PSMC2: variants seen among roughly 807,000 people sequenced by gnomAD.
PSMC2 encodes 26S proteasome regulatory subunit 7.
In PSMC2, 7 loss-of-function variants were observed where a neutral mutation model predicts 53.3. The observed-to-expected ratio is 0.13, with a 90% CI of 0.07 to 0.25. The LOEUF (loss-of-function observed/expected upper bound fraction) is 0.25. Ranked by LOEUF, PSMC2 falls within the 10% of genes least tolerant of loss-of-function variation. PSMC2 has a pLI of 1.00. For synonymous variants in PSMC2, 169 were observed against 183.9 expected, an observed-to-expected ratio of 0.92 and a Z score of 0.66; for missense variants, 241 against 544.0, an observed-to-expected ratio of 0.44 and a Z score of 5.54.
intron 4 of PSMC2, among the ~76,000 whole-genome samples, chr7:103,360,200 C>G (rs1439143721): frequency 6.6e-6 from 1 of 151,998 alleles, no homozygotes; most frequent in Non-Finnish European, 1.5e-5. Flanking sequence ...AGGGAAAATG[C>G]ATTTCATAAT....
chr7:103,368,060 GA>G lies in PSMC2; in HGVS notation c.*8del. The G allele has an allele frequency of 6.3e-7, 1 of 1,593,820 alleles. No homozygotes were observed. The highest frequency in any genetic ancestry group is 8.6e-7 in the Non-Finnish European group (1 of 1,169,146). ...GTTACATGACATACAACTGAACCCT[GA>G]AGGCTTTCAAGTGAAAACTTTAAAT... is the stretch of plus-strand genomic sequence containing the variant. On this transcript the variant is annotated 3_prime_UTR_variant, in exon 12 of 12. Coordinates refer to ENST00000292644, the MANE Select transcript of PSMC2 (RefSeq NM_002803.4).
At chr7:103,357,763 C>T (rs1392505218) in intron 4 of PSMC2, among the ~76,000 whole-genome samples, 6 of 152,074 alleles carry the variant, frequency 3.9e-5, no homozygotes, top group South Asian at 2.1e-4. Flanking sequence ...GTTGTTATAA[C>T]GTCTTGTTTT....
At chr7:103,361,583 A>G (rs968732257) in intron 4 of PSMC2, among the ~76,000 whole-genome samples, 15 of 151,662 alleles carry the variant, frequency 9.9e-5, no homozygotes, top group Non-Finnish European at 1.5e-4. Context: ...AAACCCATTT[A>G]TTACTGAATT....
intron 1 of PSMC2, among the ~76,000 whole-genome samples, 155 bp downstream of exon 1, chr7:103,347,936 C>T (rs1819641260): frequency 6.6e-6 from 1 of 152,198 alleles, no homozygotes; most frequent in African/African-American, 2.4e-5. Context: ...ATTAACTTGC[C>T]TGCCTTCTCA....
Position 103,353,700 on chromosome 7 carries a change from G to A in PSMC2, c.71-221G>A, listed in dbSNP as rs77760093. On this transcript the variant is annotated intron_variant, in intron 1 of 11. Coordinates refer to ENST00000292644, the MANE Select transcript of PSMC2 (RefSeq NM_002803.4). ...TGTACTATATAAAATAGGTCATCAC[G>A]TATATTATGTACTTTTAAAAACCTA... 3.8e-3 allele frequency among the ~76,000 whole-genome samples: 574 copies of A among 152,326 alleles called. 4 individuals carry two copies. The highest frequency in any genetic ancestry group is 0.014 in the African/African-American group (563 of 41,578).
intron 4 of PSMC2, among the ~76,000 whole-genome samples, chr7:103,361,527 A>G (rs1039306603): frequency 9.5e-5 from 14 of 147,850 alleles, no homozygotes; most frequent in Non-Finnish European, 1.6e-4. Context: ...AAAAAAAAAA[A>G]AAAAAAGAAA....
At chr7:103,355,391 C>A (rs1252088497) in intron 3 of PSMC2, among the ~76,000 whole-genome samples, 2 of 152,264 alleles carry the variant, frequency 1.3e-5, no homozygotes, top group Non-Finnish European at 2.9e-5. Context: ...TTTGGCTTGA[C>A]AATTACTTTA....
At chr7:103,359,913 T>A (rs893723665) in intron 4 of PSMC2, among the ~76,000 whole-genome samples, 2 of 151,990 alleles carry the variant, frequency 1.3e-5, no homozygotes, top group African/African-American at 4.8e-5. Context: ...AACCTGTCTC[T>A]ACTAAAAATA....
chr7:103,359,284 C>A (rs898662673), intron 4 of PSMC2, among the ~76,000 whole-genome samples: 1 of 151,374 alleles, frequency 6.6e-6, no homozygotes, highest in African/African-American at 2.4e-5. Context: ...AGGTGTGAGC[C>A]ACCGTGCCCA....
At chr7:103,359,138 C>CTTTTTTTTTTTGTTTTTTTT (rs1820217696) in intron 4 of PSMC2, among the ~76,000 whole-genome samples, 1 of 31,332 alleles carries the variant, frequency 3.2e-5, no homozygotes, top group Non-Finnish European at 5.7e-5. Flanking sequence ...CCATGTCTGG[C>CTTTTTTTTTTTGTTTTTTTT]TTTTTTTTTT....
rs1819656743 is a variant in PSMC2, at chr7:103,348,570, A to G, written c.70+789A>G. The G allele has an allele frequency of 3.6e-6, 3 of 834,386 alleles. No individual in the cohort carries two copies. The Admixed American group carries it at 5.2e-5, about 15-fold the overall frequency. The allele number at this position is 834,386 out of a possible 1,614,324, so 51.7% of individuals were successfully genotyped here. A position where few individuals can be genotyped will look rare whatever the true frequency, so the allele number is the denominator to read the frequency against. ...TTGTTGCTGTTATAAAACAATGAGTACCTTTTACCTCGTTGCACTCTGAGA... is the reference window on the plus strand; with the variant it reads ...TTGTTGCTGTTATAAAACAATGAGTGCCTTTTACCTCGTTGCACTCTGAGA... On this transcript the variant is annotated intron_variant, in intron 1 of 11. Transcript: ENST00000292644.
At chr7:103,350,666 AT>A (rs879867498) in intron 1 of PSMC2, among the ~76,000 whole-genome samples, 128 of 144,048 alleles carry the variant, frequency 8.9e-4, no homozygotes, top group East Asian at 5.0e-3. Context: ...TTTAAAACTT[AT>A]TTTTTTTTTT....
chr7:103,364,981 A>ATATATATATATATATATT (rs950613120), intron 8 of PSMC2, among the ~76,000 whole-genome samples: 12 of 140,792 alleles, frequency 8.5e-5, no homozygotes, highest in Non-Finnish European at 1.5e-4. Flanking sequence ...ATATATATAT[A>ATATATATATATATATATT]TATTTAGAGA....
chr7:103,359,372 T>C (rs1271332040), intron 4 of PSMC2, among the ~76,000 whole-genome samples: 5 of 152,100 alleles, frequency 3.3e-5, no homozygotes, highest in Non-Finnish European at 1.5e-5. Flanking sequence ...TTTTAAAGTA[T>C]ACAATTTAGT....
chr7:103,347,591 C>T, upstream of PSMC2: 1 of 1,134,774 alleles, frequency 8.8e-7, no homozygotes, highest in Non-Finnish European at 1.3e-6. Flanking sequence ...TGAAGCACTG[C>T]ATAAAGGGGT....
chr7:103,362,634 C>T, intron 5 of PSMC2, 52 bp from the exon 6 acceptor site: 4 of 1,522,406 alleles, frequency 2.6e-6, no homozygotes, highest in East Asian at 2.3e-5. Flanking sequence ...AACATAAAAG[C>T]ACTTTGAAAG....
At chr7:103,362,817 G>C (rs1820489538) in intron 6 of PSMC2, 59 bp downstream of exon 6, 1 of 1,185,266 alleles carries the variant, frequency 8.4e-7, no homozygotes, top group African/African-American at 1.7e-5. Flanking sequence ...TTTTTTTGAG[G>C]CGGAGTTTCA....
intron 1 of PSMC2, 75 bp downstream of exon 1, chr7:103,347,856 GGA>G: frequency 6.6e-7 from 1 of 1,523,216 alleles, no homozygotes; most frequent in Non-Finnish European, 9.1e-7. Flanking sequence ...GAGAGGAGCT[GGA>G]TTCCCGCTCC....
chr7:103,347,794 G>A lies in PSMC2; in HGVS notation c.70+13G>A. The stretch of plus-strand genomic sequence containing the variant: ...AAGCCCATCCGAGGTCAGTTGACAT[G>A]GGCCGGAGCTCGGAGCTGGGGCGGG... On this transcript the variant is annotated intron_variant, in intron 1 of 11. Transcript: ENST00000292644. 6.2e-7 allele frequency: 1 copy of A among 1,613,722 alleles called. No individual in the cohort carries two copies. The highest frequency in any genetic ancestry group is 8.5e-7 in the Non-Finnish European group (1 of 1,179,730).
Sources: gnomAD v4.1 joint callset for allele counts (sites outside exome capture counted in the v4.1 genomes callset) on GRCh38, gnomAD v4.1.1 for gene constraint, MANE v1.5 for transcripts, NCBI Gene and HGNC (gene_info 2026-07-23, HGNC 2026-07-21) for gene names.